The following SREK1 variants were observed in gnomAD, a reference collection of about 807,000 sequenced individuals.
The protein encoded by SREK1 is splicing regulatory glutamic acid and lysine rich protein 1, also known as splicing regulatory glutamine/lysine-rich protein 1.
SREK1 carries 13 observed loss-of-function variants against 66.5 expected under a neutral mutation model. The ratio of observed to expected loss-of-function variants is 0.20; its 90% confidence interval spans 0.13 to 0.31. SREK1 has a LOEUF of 0.31. Ranked by LOEUF, SREK1 falls within the 10% of genes least tolerant of loss-of-function variation. The probability of loss-of-function intolerance (pLI) is 1.00; values close to 1 mark genes in which losing one functional copy is unlikely to be tolerated. For missense variants in SREK1, 607 were observed against 769.6 expected (o/e 0.79, Z 2.50); for synonymous variants, 265 against 263.5 (o/e 1.01, Z -0.05).
At chr5:66,154,745 C>T (rs1744136647) in intron 2 of SREK1, among the ~76,000 whole-genome samples, 1 of 151,990 alleles carries the variant, frequency 6.6e-6, no homozygotes, top group East Asian at 1.9e-4. Context: ...AGTGTCTTTC[C>T]CATGCTTGGG....
At chr5:66,172,136 C>T (rs1726772534) in intron 9 of SREK1, among the ~76,000 whole-genome samples, 1 of 152,174 alleles carries the variant, frequency 6.6e-6, no homozygotes, top group Admixed American at 6.5e-5. Context: ...TTAATGTAAC[C>T]TCCTTTGCTG....
chr5:66,148,831 T>C (rs879724922), intron 1 of SREK1, among the ~76,000 whole-genome samples: 8 of 147,136 alleles, frequency 5.4e-5, no homozygotes, highest in East Asian at 2.0e-4. Flanking sequence ...TGTTTTTTTT[T>C]CCCCCAAGGT....
At chr5:66,147,826 A>C (rs1743396141) in intron 1 of SREK1, among the ~76,000 whole-genome samples, 1 of 152,216 alleles carries the variant, frequency 6.6e-6, no homozygotes, top group African/African-American at 2.4e-5. Flanking sequence ...CATTGGTTTT[A>C]AAAATAATTG....
At chr5:66,168,035 G>A (rs879648805) in intron 7 of SREK1, 54 of 151,578 alleles carry the variant, frequency 3.6e-4, no homozygotes, top group African/African-American at 1.2e-3. Flanking sequence ...TTATCTTCTT[G>A]TATTAAAAAC....
At chr5:66,157,760 A>C in intron 2 of SREK1, 12 of 904,236 alleles carry the variant, frequency 1.3e-5, no homozygotes, top group Non-Finnish European at 1.6e-5. Flanking sequence ...ATAAACTTAG[A>C]TGCTGCAAAG....
At chr5:66,177,093 C>A (rs925193719) in intron 10 of SREK1, among the ~76,000 whole-genome samples, 1 of 152,162 alleles carries the variant, frequency 6.6e-6, no homozygotes, top group African/African-American at 2.4e-5. Flanking sequence ...TCCATTCCAT[C>A]TGCCTTGTTC....
rs772307778 is a variant in SREK1 at position 66,144,532 on chromosome 5, C to T, written c.156C>T (p.Pro52=). 10 of 1,551,920 alleles carry T rather than the reference C, an allele frequency of 6.4e-6. No homozygotes were observed. The East Asian group carries it at 7.3e-5, about 11-fold the overall frequency. Residue 52 remains proline, a synonymous_variant, in exon 1 of 12, where the codon CCC becomes CCT. Coordinates refer to ENST00000334121, the MANE Select transcript of SREK1 (RefSeq NM_001077199.3). Reference sequence around the variant, plus strand: ...AAATCGAGGAGCTGCGGCTCTACCCCCCGGAGTAAGTGCTGGAGCTCGGCT... The same window carrying T: ...AAATCGAGGAGCTGCGGCTCTACCCTCCGGAGTAAGTGCTGGAGCTCGGCT... ...LGEIEELRLY[P]PDNAPLAFSS...
Position 66,153,772 on chromosome 5 carries a change from T to C in SREK1, c.295+176T>C. 4.3e-6 allele frequency: 3 copies of C among 696,096 alleles called. No homozygotes were observed. In the South Asian group the frequency reaches 6.8e-5, roughly 16 times the overall value. 43.1% of individuals were successfully genotyped at this position (696,096 alleles called of 1,614,324 possible). A position where few individuals can be genotyped will look rare whatever the true frequency, so the allele number is the denominator to read the frequency against. On this transcript the variant is annotated intron_variant, in intron 2 of 11. Coordinates refer to ENST00000334121, the MANE Select transcript of SREK1 (RefSeq NM_001077199.3). The stretch of plus-strand genomic sequence containing the variant: ...TAGTAATATTAAAATGGTTAATTTA[T>C]GACATGTACATTTGAGGTTTTACAA...
intron 3 of SREK1, among the ~76,000 whole-genome samples, chr5:66,160,180 A>C (rs1321635543): frequency 6.6e-6 from 1 of 151,632 alleles, no homozygotes; most frequent in Non-Finnish European, 1.5e-5. Context: ...TGCTTAAAAA[A>C]CTCTGGCCAT....
intron 1 of SREK1, among the ~76,000 whole-genome samples, chr5:66,147,346 A>G (rs1561491078): frequency 6.6e-6 from 1 of 152,174 alleles, no homozygotes; most frequent in South Asian, 2.1e-4. Flanking sequence ...CAAGTAAGAA[A>G]TCCTTGTTGT....
At position 66,178,902 on chromosome 5, in the gene SREK1, A is replaced by G. The variant is rs757059562; in HGVS notation, c.*34A>G. 8 of 1,528,674 alleles carry G rather than the reference A, an allele frequency of 5.2e-6. No individual in the cohort carries two copies. In the African/African-American group the frequency reaches 9.7e-5, roughly 18 times the overall value. The allele number at this position is 1,528,674 out of a possible 1,614,324, so 94.7% of individuals were successfully genotyped here. A position where few individuals can be genotyped will look rare whatever the true frequency, so the allele number is the denominator to read the frequency against. ...AGTGTACCTCTGCACTCAATGCTGG[A>G]ATCAAATCCAAAGCTTTTAATTCTC... On this transcript the variant is annotated 3_prime_UTR_variant, in exon 12 of 12. Transcript: ENST00000334121.
At chr5:66,147,481 C>T (rs1167267237) in intron 1 of SREK1, among the ~76,000 whole-genome samples, 1 of 152,194 alleles carries the variant, frequency 6.6e-6, no homozygotes, top group African/African-American at 2.4e-5. Context: ...TCAGGATTAT[C>T]TGCACCCTGT....
intron 2 of SREK1, chr5:66,157,471 A>G (rs1744384738): frequency 5.1e-6 from 5 of 985,286 alleles, no homozygotes; most frequent in Non-Finnish European, 6.0e-6. Context: ...CAAAACCTCA[A>G]TTTATCAAGA....
intron 4 of SREK1, 46 bp from the exon 5 acceptor site, chr5:66,162,368 T>G: frequency 6.2e-7 from 1 of 1,606,074 alleles, no homozygotes; most frequent in Non-Finnish European, 8.5e-7. Context: ...TTTATCTGAT[T>G]TTTTAAATGG....
chr5:66,157,642 T>C lies in SREK1; in HGVS notation c.296-1577T>C, dbSNP rs1366330019. The C allele has an allele frequency of 6.2e-6, 6 of 970,636 alleles. No homozygotes were observed. In the East Asian group the frequency reaches 5.7e-4, roughly 92 times the overall value. The allele number at this position is 970,636 out of a possible 1,614,324, so 60.1% of individuals were successfully genotyped here. On this transcript the variant is annotated intron_variant, in intron 2 of 11. Coordinates refer to ENST00000334121, the MANE Select transcript of SREK1 (RefSeq NM_001077199.3). ...AAGCAGATTATTGTTATTTGATGTT[T>C]TCAGTAAGGCCTACCTGCCTTTTGT...
At chr5:66,159,093 T>C in intron 2 of SREK1, 126 bp from the exon 3 acceptor site, 1 of 1,435,904 alleles carries the variant, frequency 7.0e-7, no homozygotes, top group Non-Finnish European at 9.1e-7. Flanking sequence ...TATTTCTTTA[T>C]ACAGATCTGA....
Position 66,153,495 on chromosome 5 carries a change from G to C in SREK1, c.194G>C (p.Cys65Ser). 6.2e-7 allele frequency: 1 copy of C among 1,613,764 alleles called. No homozygotes were observed. The highest frequency in any genetic ancestry group is 8.5e-7 in the Non-Finnish European group (1 of 1,179,854). ...CCTCTTGCTTTTTCCTCCAAAGTAT[G>C]TTATGTTAAGTTTCGTGATCCATCA... is the stretch of plus-strand genomic sequence containing the variant. The part of the protein sequence containing the change: ...NAPLAFSSKV[C>S]YVKFRDPSSV... Residue 65 changes from cysteine (C) to serine (S), a missense_variant, in exon 2 of 12, where the codon TGT becomes TCT. Cys to Ser is a moderately radical substitution (Grantham distance 112). Around this residue, in one of 5 missense-constraint regions of SREK1, gnomAD observed 99 missense variants for 186.6 expected, o/e 0.53. Transcript: ENST00000334121.
intron 3 of SREK1, among the ~76,000 whole-genome samples, chr5:66,161,472 G>A (rs1744767450): frequency 1.3e-5 from 2 of 152,134 alleles, no homozygotes; most frequent in Admixed American, 6.5e-5. Flanking sequence ...TTGAATTGTT[G>A]TGCTTTTTGT....
At chr5:66,172,906 C>G (rs1745761119) in intron 9 of SREK1, among the ~76,000 whole-genome samples, 1 of 146,166 alleles carries the variant, frequency 6.8e-6, no homozygotes, top group Non-Finnish European at 1.5e-5. Flanking sequence ...TATCTGCTCA[C>G]TGCAACCTCT....
Sources: allele counts gnomAD v4.1 joint callset (sites outside exome capture counted in the v4.1 genomes callset), GRCh38; gene constraint gnomAD v4.1.1; regional missense constraint gnomAD v4.1.1; transcripts MANE v1.5; gene names NCBI Gene and HGNC (gene_info 2026-07-23, HGNC 2026-07-21).